The following ACSM1 variants were observed in gnomAD, a reference collection of about 807,000 sequenced individuals.
ACSM1 encodes acyl-coenzyme A synthetase ACSM1, mitochondrial.
A neutral mutation model predicts 75.8 loss-of-function variants in ACSM1; 79 were observed. That is an observed-to-expected ratio of 1.04 (90% CI 0.87 to 1.26). The LOEUF (loss-of-function observed/expected upper bound fraction) is 1.26, where lower values mean the gene tolerates loss of function less well. Among genes scored for constraint, ACSM1 ranks in the 50% most tolerant of loss-of-function variants. The pLI, the probability that ACSM1 is intolerant of heterozygous loss-of-function variation, is 0.00. For synonymous variants in ACSM1, 279 were observed against 265.8 expected, an observed-to-expected ratio of 1.05 and a Z score of -0.48; for missense variants, 676 against 720.1, an observed-to-expected ratio of 0.94 and a Z score of 0.70.
In ACSM1 at chr16:20,624,127, G is replaced by A. The variant is rs2016773541; in HGVS notation, c.1616C>T (p.Ser539Leu). Residue 539 changes from serine to leucine, a missense_variant, in exon 13 of 14, where the codon TCA becomes TTA. Transcript: ENST00000520010. Reference sequence around the variant, plus strand: ...TGGGTACTTGTATGGGGCTGTCACTGACTTGACATGCTGCTGCAGTTCCTT... The same window carrying A: ...TGGGTACTTGTATGGGGCTGTCACTAACTTGACATGCTGCTGCAGTTCCTT... ...LTKELQQHVK[S>L]VTAPYKYPRK... is the part of the protein sequence containing the mutation. 6.2e-7 allele frequency: 1 copy of A among 1,613,322 alleles called. No homozygotes were observed. Among genetic ancestry groups the A allele is most frequent in the Non-Finnish European group, 8.5e-7 (1 of 1,179,432 alleles).
At chr16:20,689,590 T>C (rs569330247) in intron 2 of ACSM1, among the ~76,000 whole-genome samples, 2 of 152,336 alleles carry the variant, frequency 1.3e-5, no homozygotes, top group African/African-American at 4.8e-5. Flanking sequence ...TTGAATATGA[T>C]AAAATCAATG....
chr16:20,637,376 C>T lies in ACSM1; in HGVS notation c.1192G>A (p.Val398Ile), dbSNP rs376792697. ...FMGKATPPYD[V>I]QVIDDKGSIL... The stretch of plus-strand genomic sequence containing the variant: ...CAATGCCCTTAGGACCAGACCTGGA[C>T]GTCGTAGGGTGGAGTGGCCTTCCCC... Residue 398 changes from valine to isoleucine, a missense_variant, in exon 9 of 14, where the codon GTC (valine) becomes ATC (isoleucine). By Grantham distance (29) the Val-to-Ile change is conservative (BLOSUM62 3). Coordinates refer to ENST00000520010, the MANE Select transcript of ACSM1 (RefSeq NM_001318890.3). 75 of 1,614,040 alleles carry T rather than the reference C, an allele frequency of 4.6e-5. No individual in the cohort carries two copies. Among genetic ancestry groups the T allele is most frequent in the Non-Finnish European group, 6.0e-5 (71 of 1,179,928 alleles).
intron 4 of ACSM1, among the ~76,000 whole-genome samples, chr16:20,672,471 A>AAAATATATAT (rs1555473775): frequency 2.6e-4 from 17 of 64,562 alleles, no homozygotes; most frequent in Admixed American, 5.3e-4. Context: ...AAAAAAAAAA[A>AAAATATATAT]ATATATATAT....
At chr16:20,662,164 T>C (rs1279423132) in intron 6 of ACSM1, among the ~76,000 whole-genome samples, 1 of 152,154 alleles carries the variant, frequency 6.6e-6, no homozygotes, top group African/African-American at 2.4e-5. Context: ...TAAGAAATAC[T>C]TGAAGTACAA....
chr16:20,647,233 T>C (rs954188059), intron 7 of ACSM1, among the ~76,000 whole-genome samples: 18 of 152,220 alleles, frequency 1.2e-4, no homozygotes, highest in Non-Finnish European at 2.4e-4. Flanking sequence ...TGCATGACCA[T>C]GGAATGGGAG....
intron 7 of ACSM1, among the ~76,000 whole-genome samples, chr16:20,644,543 A>G (rs1259314342): frequency 1.8e-5 from 1 of 55,952 alleles, no homozygotes; most frequent in East Asian, 3.4e-3. Flanking sequence ...TGAGGAACAC[A>G]CACACACACA....
At position 20,667,235 on chromosome 16, in the gene ACSM1, TTTAAG is replaced by T. The variant is rs1268831696; in HGVS notation, c.912+2587_912+2591del. Among the ~76,000 whole-genome samples, 7 of 152,246 alleles carry T rather than the reference TTTAAG, an allele frequency of 4.6e-5. 1 individual carries two copies. In the South Asian group the frequency reaches 8.3e-4, roughly 18 times the overall value. ...TCAAATATCCAGATTCTACAAAGAA[TTTAAG>T]TTATTTGTAGACTCTTATATGTGAT... On this transcript the variant is annotated intron_variant, in intron 6 of 13. Coordinates refer to ENST00000520010, the MANE Select transcript of ACSM1 (RefSeq NM_001318890.3).
At chr16:20,692,081 C>T (rs1288908132) in intron 1 of ACSM1, among the ~76,000 whole-genome samples, 1 of 152,186 alleles carries the variant, frequency 6.6e-6, no homozygotes, top group Non-Finnish European at 1.5e-5. Flanking sequence ...GACTGGGTTT[C>T]TGTCACTTGA....
chr16:20,667,971 G>T (rs922587672), intron 6 of ACSM1, among the ~76,000 whole-genome samples: 2 of 152,124 alleles, frequency 1.3e-5, no homozygotes, highest in African/African-American at 4.8e-5. Flanking sequence ...TGGACATAAA[G>T]TTGGAAACAA....
intron 6 of ACSM1, among the ~76,000 whole-genome samples, chr16:20,664,293 A>G (rs2019452378): frequency 6.6e-6 from 1 of 152,094 alleles, no homozygotes; most frequent in African/African-American, 2.4e-5. Context: ...ACAGGCTCTA[A>G]GCAAAGAAAT....
At chr16:20,693,237 G>C (rs1033484884) in intron 1 of ACSM1, among the ~76,000 whole-genome samples, 1 of 152,022 alleles carries the variant, frequency 6.6e-6, no homozygotes, top group Non-Finnish European at 1.5e-5. Flanking sequence ...CAATGGACTG[G>C]GATGTGGCAT....
intron 13 of ACSM1, 125 bp from the exon 14 acceptor site, chr16:20,623,697 T>C: frequency 1.0e-6 from 1 of 963,878 alleles, no homozygotes; most frequent in Non-Finnish European, 1.6e-6. Flanking sequence ...GTGGCCTTAA[T>C]GGAGTCCCCA....
intron 7 of ACSM1, among the ~76,000 whole-genome samples, chr16:20,651,561 G>A (rs945571753): frequency 1.1e-4 from 16 of 152,268 alleles, no homozygotes; most frequent in African/African-American, 2.6e-4. Context: ...CCCGGGAGAC[G>A]GAGGTTGCAG....
In ACSM1 at chr16:20,684,853, T is replaced by TTG. The variant is rs529798511; in HGVS notation, c.403+338_403+339dup. 1.6e-3 allele frequency among the ~76,000 whole-genome samples: 246 copies of TTG among 151,386 alleles called. 6 individuals are homozygous for TTG. In the South Asian group the frequency reaches 0.032, roughly 20 times the overall value. ...TGTGCAAGAGAAAGTGTATGTGTGT[T>TTG]TGTGTGTGTGTGTGTATGAGACAAA... is the stretch of plus-strand genomic sequence containing the variant. On this transcript the variant is annotated intron_variant, in intron 3 of 13. Transcript: ENST00000520010.
At chr16:20,654,858 G>A (rs2018859640) in intron 7 of ACSM1, among the ~76,000 whole-genome samples, 1 of 152,156 alleles carries the variant, frequency 6.6e-6, no homozygotes, top group Admixed American at 6.5e-5. Flanking sequence ...CAAGGATCTA[G>A]AACTAGAAAT....
At chr16:20,632,244 TAAA>T (rs1322861938) in intron 10 of ACSM1, among the ~76,000 whole-genome samples, 3 of 152,090 alleles carry the variant, frequency 2.0e-5, no homozygotes, top group Non-Finnish European at 2.9e-5. Context: ...AGAGTTCATA[TAAA>T]TAAAATGGCA....
chr16:20,685,776 C>T (rs1016239486), intron 2 of ACSM1, among the ~76,000 whole-genome samples: 14 of 142,358 alleles, frequency 9.8e-5, no homozygotes, highest in African/African-American at 3.2e-4. Flanking sequence ...GCCAAGATTG[C>T]ACCATTGCAC....
chr16:20,656,630 C>G (rs1567277358), intron 7 of ACSM1, among the ~76,000 whole-genome samples: 1 of 152,048 alleles, frequency 6.6e-6, no homozygotes. Context: ...ACTCTCCTAA[C>G]TGTCAAACTA....
chr16:20,630,121 GTTTTTTT>G (rs200287528), intron 10 of ACSM1, among the ~76,000 whole-genome samples: 1 of 140,416 alleles, frequency 7.1e-6, no homozygotes, highest in Non-Finnish European at 1.6e-5. Flanking sequence ...GAAAAAACTT[GTTTTTTT>G]TTTTTTTTGA....
Sources: allele counts gnomAD v4.1 joint callset (sites outside exome capture counted in the v4.1 genomes callset), GRCh38; gene constraint gnomAD v4.1.1; transcripts MANE v1.5; gene names NCBI Gene and HGNC (gene_info 2026-07-23, HGNC 2026-07-21).